Variants in VTA1 observed in about 807,000 individuals in gnomAD.
The protein encoded by VTA1 is vacuolar protein sorting-associated protein VTA1 homolog.
Under a neutral mutation model 36.9 loss-of-function variants are expected in VTA1, and 24 were observed. The observed-to-expected ratio is 0.65, with a 90% CI of 0.47 to 0.91. The LOEUF (loss-of-function observed/expected upper bound fraction) is 0.91. Ranked by LOEUF, VTA1 falls within the 40% of genes least tolerant of loss-of-function variation. The probability of loss-of-function intolerance (pLI) is 0.00; values close to 1 mark genes in which losing one functional copy is unlikely to be tolerated. For synonymous variants in VTA1, 142 were observed against 130.2 expected (o/e 1.09, Z -0.62); for missense variants, 393 against 377.2 (o/e 1.04, Z -0.35).
At chr6:142,208,649 G>A (rs527482968) in intron 7 of VTA1, among the ~76,000 whole-genome samples, 2 of 152,212 alleles carry the variant, frequency 1.3e-5, no homozygotes, top group South Asian at 4.1e-4. Flanking sequence ...AGATGCTAAA[G>A]GCCAAGGACA....
At chr6:142,190,136 G>A (rs1775426376) in intron 5 of VTA1, among the ~76,000 whole-genome samples, 1 of 152,078 alleles carries the variant, frequency 6.6e-6, no homozygotes, top group Non-Finnish European at 1.5e-5. Context: ...TTCAAACCAC[G>A]AAGAATACCG....
At chr6:142,169,266 A>T (rs1296566182) in intron 2 of VTA1, among the ~76,000 whole-genome samples, 1 of 152,232 alleles carries the variant, frequency 6.6e-6, no homozygotes, top group Non-Finnish European at 1.5e-5. Context: ...CACATGGATA[A>T]TTGGATATAT....
intron 4 of VTA1, among the ~76,000 whole-genome samples, chr6:142,178,805 A>C (rs951070694): frequency 2.0e-5 from 3 of 152,080 alleles, no homozygotes; most frequent in Non-Finnish European, 4.4e-5. Flanking sequence ...AGAGGTTTTC[A>C]GACTAGATTT....
chr6:142,156,224 T>G (rs1778659302), intron 1 of VTA1, among the ~76,000 whole-genome samples: 1 of 151,706 alleles, frequency 6.6e-6, no homozygotes, highest in African/African-American at 2.4e-5. Flanking sequence ...AAAGTCAGAT[T>G]AAAAAAAACG....
At chr6:142,159,012 T>G (rs1406951618) in intron 1 of VTA1, among the ~76,000 whole-genome samples, 1 of 152,190 alleles carries the variant, frequency 6.6e-6, no homozygotes, top group East Asian at 1.9e-4. Flanking sequence ...AATAAAAATT[T>G]TTATATTTTG....
intron 7 of VTA1, among the ~76,000 whole-genome samples, chr6:142,206,589 C>G (rs1487692042): frequency 6.6e-5 from 10 of 152,136 alleles, no homozygotes; most frequent in Non-Finnish European, 1.5e-4. Flanking sequence ...CATATGAACT[C>G]CAACTATCTA....
intron 1 of VTA1, among the ~76,000 whole-genome samples, chr6:142,154,732 C>T (rs994185218): frequency 6.6e-6 from 1 of 151,970 alleles, no homozygotes; most frequent in African/African-American, 2.4e-5. Context: ...AGTTGAAAAC[C>T]TTTTCATGTG....
At chr6:142,203,241 A>G (rs1380789624) in intron 6 of VTA1, among the ~76,000 whole-genome samples, 1 of 151,938 alleles carries the variant, frequency 6.6e-6, no homozygotes, top group Non-Finnish European at 1.5e-5. Context: ...CCTTTCTACA[A>G]ATTGCCTATT....
intron 1 of VTA1, among the ~76,000 whole-genome samples, chr6:142,158,119 A>G (rs1778698847): frequency 6.6e-6 from 1 of 151,670 alleles, no homozygotes; most frequent in South Asian, 2.1e-4. Flanking sequence ...TGGAAAGTTT[A>G]TATTATGTAA....
At chr6:142,184,124 AAT>A (rs1291372068) in intron 4 of VTA1, among the ~76,000 whole-genome samples, 2 of 152,228 alleles carry the variant, frequency 1.3e-5, no homozygotes, top group Non-Finnish European at 2.9e-5. Flanking sequence ...TTACTTGTAA[AAT>A]AGTTTTCTTC....
intron 7 of VTA1, among the ~76,000 whole-genome samples, chr6:142,210,792 A>G (rs1032232179): frequency 6.6e-6 from 1 of 152,178 alleles, no homozygotes; most frequent in Non-Finnish European, 1.5e-5. Context: ...GTACCATATG[A>G]TTCAGCAGTT....
In VTA1 at chr6:142,224,651, T is replaced by C. The variant is rs956836486; in HGVS notation, c.*6008T>C. Reference sequence around the variant, plus strand: ...ATATACGAATGGGCAAAAAAATATATACTAAAATGATCAAATAAAGGTTGT... The same window carrying C: ...ATATACGAATGGGCAAAAAAATATACACTAAAATGATCAAATAAAGGTTGT... On this transcript the variant is annotated 3_prime_UTR_variant, in exon 8 of 8. Transcript: ENST00000367630. The C allele has an allele frequency of 6.6e-6, 1 of 152,208 alleles. No homozygotes were observed. Among genetic ancestry groups the C allele is most frequent in the Non-Finnish European group, 1.5e-5 (1 of 68,036 alleles). 9.4% of individuals were successfully genotyped at this position (152,208 alleles called of 1,614,324 possible).
Position 142,189,464 on chromosome 6 carries a change from A to G in VTA1, c.450A>G (p.Thr150=), listed in dbSNP as rs374048383. The change falls in exon 5 of 8, where the codon ACA becomes ACG. Residue 150 remains threonine, a synonymous_variant. Transcript: ENST00000367630. ...GGAAGTATGCCAGATGGAAGGCAACATACATCCATAATTGTTTAAAGAATG... is the reference window on the plus strand; with the variant it reads ...GGAAGTATGCCAGATGGAAGGCAACGTACATCCATAATTGTTTAAAGAATG... ...KHRKYARWKA[T]YIHNCLKNGE... The G allele has an allele frequency of 6.2e-7, 1 of 1,614,090 alleles. No homozygotes were observed. Among genetic ancestry groups the G allele is most frequent in the Non-Finnish European group, 8.5e-7 (1 of 1,179,978 alleles).
chr6:142,217,151 C>A (rs1162590880), intron 7 of VTA1, among the ~76,000 whole-genome samples: 1 of 152,064 alleles, frequency 6.6e-6, no homozygotes, highest in Non-Finnish European at 1.5e-5. Flanking sequence ...TCGGTAATCC[C>A]TGATTCACAA....
chr6:142,190,454 A>G (rs1582894135), intron 5 of VTA1, among the ~76,000 whole-genome samples: 1 of 152,070 alleles, frequency 6.6e-6, no homozygotes, highest in South Asian at 2.1e-4. Context: ...TTAACTTAAT[A>G]TGTACAGGAA....
intron 5 of VTA1, among the ~76,000 whole-genome samples, chr6:142,196,222 C>T (rs1465299262): frequency 6.6e-6 from 1 of 152,148 alleles, no homozygotes. Context: ...TTAGCCACCC[C>T]AGCTTTTGTC....
chr6:142,214,062 A>C (rs1002412757), intron 7 of VTA1, among the ~76,000 whole-genome samples: 20 of 152,234 alleles, frequency 1.3e-4, no homozygotes, highest in Admixed American at 7.2e-4. Flanking sequence ...CTGCTTTTTA[A>C]ATATAAGTTC....
intron 4 of VTA1, among the ~76,000 whole-genome samples, chr6:142,178,715 C>T (rs1247729061): frequency 2.6e-5 from 4 of 152,122 alleles, no homozygotes; most frequent in African/African-American, 7.2e-5. Flanking sequence ...ATGCAAAACA[C>T]ATAGCAAATT....
chr6:142,174,439 C>T (rs1171635676), intron 4 of VTA1, among the ~76,000 whole-genome samples: 1 of 152,078 alleles, frequency 6.6e-6, no homozygotes, highest in African/African-American at 2.4e-5. Context: ...TACCACCATT[C>T]TTTCTTAGAA....
Sources: gnomAD v4.1 joint callset for allele counts (sites outside exome capture counted in the v4.1 genomes callset) on GRCh38, gnomAD v4.1.1 for gene constraint, MANE v1.5 for transcripts, NCBI Gene and HGNC (gene_info 2026-07-23, HGNC 2026-07-21) for gene names.